RASSF4: variants seen among roughly 807,000 people sequenced by gnomAD.
RASSF4 encodes the protein Ras association domain family member 4, also known as ras association domain-containing protein 4.
In RASSF4, 38 loss-of-function variants were observed where a neutral mutation model predicts 41.1. The ratio of observed to expected loss-of-function variants is 0.92; its 90% CI spans 0.71 to 1.21. The LOEUF (loss-of-function observed/expected upper bound fraction) is 1.21. Ranked by LOEUF, RASSF4 falls within the 50% of genes most tolerant of loss-of-function variation. RASSF4 has a pLI of 0.00. For missense variants in RASSF4, 414 were observed against 419.4 expected, an observed-to-expected ratio of 0.99 and a Z score of 0.11; for synonymous variants, 179 against 163.4, an observed-to-expected ratio of 1.10 and a Z score of -0.73.
chr10:44,966,732 G>A (rs781238929), intron 1 of RASSF4, among the ~76,000 whole-genome samples: 2 of 152,182 alleles, frequency 1.3e-5, no homozygotes, highest in Non-Finnish European at 2.9e-5. Context: ...TGAGCGTATA[G>A]TGAGGTCCTA....
intron 3 of RASSF4, among the ~76,000 whole-genome samples, chr10:44,975,311 G>A (rs1260947640): frequency 6.6e-6 from 1 of 152,082 alleles, no homozygotes; most frequent in Non-Finnish European, 1.5e-5. Context: ...ACTGGCCCCT[G>A]GAGTGACTGG....
At chr10:44,962,771 G>A (rs757918173) in intron 1 of RASSF4, among the ~76,000 whole-genome samples, 2 of 152,246 alleles carry the variant, frequency 1.3e-5, no homozygotes, top group South Asian at 2.1e-4. Flanking sequence ...GGGAAGTTGA[G>A]GAGTGGTTCA....
chr10:44,982,346 G>A (rs1841742666), intron 3 of RASSF4, 175 bp from the exon 4 acceptor site: 3 of 768,704 alleles, frequency 3.9e-6, no homozygotes, highest in African/African-American at 1.7e-5. Context: ...CCCTCCCACA[G>A]GGCCTGGTCA....
intron 1 of RASSF4, among the ~76,000 whole-genome samples, chr10:44,962,577 G>A (rs67163130): frequency 0.098 from 14,862 of 152,246 alleles, 1,021 homozygotes; most frequent in African/African-American, 0.19. Flanking sequence ...AGAGCCTCCA[G>A]AGCAGCCCTG....
chr10:44,973,182 C>T (rs1841254290), intron 3 of RASSF4, among the ~76,000 whole-genome samples: 1 of 152,222 alleles, frequency 6.6e-6, no homozygotes, highest in Admixed American at 6.5e-5. Flanking sequence ...CCTCCTCATG[C>T]TCACTTCTGT....
chr10:44,971,929 T>C (rs1276131802), intron 3 of RASSF4, 81 bp downstream of exon 3: 2 of 922,604 alleles, frequency 2.2e-6, no homozygotes, highest in African/African-American at 3.3e-5. Context: ...AGGGTAATGA[T>C]GAAGACCATC....
chr10:44,992,594 C>A (rs1475826240), intron 10 of RASSF4, among the ~76,000 whole-genome samples: 2 of 152,190 alleles, frequency 1.3e-5, no homozygotes, highest in Non-Finnish European at 2.9e-5. Flanking sequence ...GTCTCCCCCT[C>A]AGCAAAGTGA....
rs1158087242 is a variant in RASSF4 at position 44,994,305 on chromosome 10, C to T, written c.*976C>T. The T allele has an allele frequency of 1.3e-5, 2 of 152,656 alleles. No homozygotes were observed. Among genetic ancestry groups the T allele is most frequent in the African/African-American group, 4.8e-5 (2 of 41,454 alleles). The allele number at this position is 152,656 out of a possible 1,614,324, so 9.5% of individuals were successfully genotyped here. A position where few individuals can be genotyped will look rare whatever the true frequency, so the allele number is the denominator to read the frequency against. On this transcript the variant is annotated 3_prime_UTR_variant, in exon 11 of 11. Transcript: ENST00000340258. ...TGTGTTTGTGACTGATGGAGAATTTCAGGAATGAATGAGAAAGCCTTTGCG... is the reference window on the plus strand; with the variant it reads ...TGTGTTTGTGACTGATGGAGAATTTTAGGAATGAATGAGAAAGCCTTTGCG...
At chr10:44,972,103 T>C (rs1480187160) in intron 3 of RASSF4, among the ~76,000 whole-genome samples, 4 of 152,188 alleles carry the variant, frequency 2.6e-5, no homozygotes, top group Non-Finnish European at 5.9e-5. Flanking sequence ...AGAAATCACC[T>C]TGGGGGTCTT....
chr10:44,988,573 A>AGTC (rs1483927169), intron 6 of RASSF4, among the ~76,000 whole-genome samples: 2 of 152,262 alleles, frequency 1.3e-5, no homozygotes, highest in Non-Finnish European at 2.9e-5. Flanking sequence ...GTTATTGCAC[A>AGTC]GTCCCCAGGA....
intron 7 of RASSF4, 75 bp downstream of exon 7, chr10:44,989,450 AAAGCTGCCCGTGGCAG>A: frequency 8.6e-7 from 1 of 1,163,894 alleles, no homozygotes; most frequent in South Asian, 1.3e-5. Context: ...GGTTCTGGGG[AAAGCTGCCCGTGGCAG>A]AAGCTGCCTG....
At chr10:44,983,495 T>A (rs1390198482) in intron 4 of RASSF4, 1 of 170,830 alleles carries the variant, frequency 5.9e-6, no homozygotes, top group Non-Finnish European at 1.3e-5. Context: ...TTCTCCAGGA[T>A]CCCATCTGTC....
chr10:44,987,664 A>G (rs917076856), intron 6 of RASSF4, among the ~76,000 whole-genome samples: 2 of 149,164 alleles, frequency 1.3e-5, no homozygotes, highest in Non-Finnish European at 3.0e-5. Context: ...GGTTTCTGCA[A>G]ATTGAAGGTG....
chr10:44,990,124 G>A (rs1265254554), intron 8 of RASSF4, among the ~76,000 whole-genome samples: 1 of 152,182 alleles, frequency 6.6e-6, no homozygotes, highest in Admixed American at 6.5e-5. Flanking sequence ...CAGGAAGGGT[G>A]GGGTGCGTGT....
At chr10:44,972,620 G>A (rs1841225555) in intron 3 of RASSF4, among the ~76,000 whole-genome samples, 1 of 152,256 alleles carries the variant, frequency 6.6e-6, no homozygotes, top group Non-Finnish European at 1.5e-5. Context: ...GGCAGGGCAA[G>A]TGGAGCCCTA....
intron 7 of RASSF4, 85 bp from the exon 8 acceptor site, chr10:44,989,585 G>C: frequency 8.2e-7 from 1 of 1,225,324 alleles, no homozygotes. Context: ...TGTGTTACTG[G>C]GGGTGTAGTT....
chr10:44,969,108 T>TTGTGTG (rs58639318), intron 1 of RASSF4, among the ~76,000 whole-genome samples: 1 of 149,628 alleles, frequency 6.7e-6, no homozygotes, highest in African/African-American at 2.5e-5. Context: ...GCGTGTGTTT[T>TTGTGTG]TGTGTGTGTG....
At chr10:44,961,785 C>T (rs1214697486) in intron 1 of RASSF4, among the ~76,000 whole-genome samples, 2 of 152,226 alleles carry the variant, frequency 1.3e-5, no homozygotes, top group African/African-American at 4.8e-5. Context: ...CAGAGCCAGG[C>T]AGTCACAGAG....
In RASSF4 at chr10:44,989,597, CT is replaced by C. The variant is rs1182069462; in HGVS notation, c.634-72del. Reference sequence around the variant, plus strand: ...GTGTGTGTTACTGGGGGTGTAGTTACTGTCAGGGGACCCTCTCAGTTCTCTC... The same window carrying C: ...GTGTGTGTTACTGGGGGTGTAGTTACGTCAGGGGACCCTCTCAGTTCTCTC... On this transcript the variant is annotated intron_variant, in intron 7 of 10. Coordinates refer to ENST00000340258, the MANE Select transcript of RASSF4 (RefSeq NM_032023.4). The C allele has an allele frequency of 6.7e-5, 92 of 1,371,842 alleles. 1 individual carries two copies. The Middle Eastern group carries it at 1.4e-3, about 21-fold the overall frequency. 85.0% of individuals were successfully genotyped at this position (1,371,842 alleles called of 1,614,324 possible). A position where few individuals can be genotyped will look rare whatever the true frequency, so the allele number is the denominator to read the frequency against.
Sources: allele counts gnomAD v4.1 joint callset (sites outside exome capture counted in the v4.1 genomes callset), GRCh38; gene constraint gnomAD v4.1.1; transcripts MANE v1.5; gene names NCBI Gene and HGNC (gene_info 2026-07-23, HGNC 2026-07-21).